The following PTPRQ variants were observed in gnomAD, a reference collection of about 807,000 sequenced individuals.
The protein encoded by PTPRQ is phosphatidylinositol phosphatase PTPRQ.
A neutral mutation model predicts 246.0 loss-of-function variants in PTPRQ; 199 were observed. That is an observed-to-expected ratio of 0.81 (90% confidence interval 0.72 to 0.91). PTPRQ has a LOEUF of 0.91. Among genes scored for constraint, PTPRQ ranks in the 40% least tolerant of loss-of-function variants. The probability of loss-of-function intolerance (pLI) is 0.00; values close to 1 mark genes in which losing one functional copy is unlikely to be tolerated. For missense variants in PTPRQ, 2,624 were observed against 2,528.4 expected, an observed-to-expected ratio of 1.04 and a Z score of -0.81; for synonymous variants, 869 against 853.2, an observed-to-expected ratio of 1.02 and a Z score of -0.32.
intron 4 of PTPRQ, 21 bp from the exon 5 acceptor site, chr12:80,459,263 C>T (rs908996121): frequency 5.0e-6 from 2 of 398,234 alleles, no homozygotes; most frequent in African/African-American, 4.1e-5. Flanking sequence ...TTTTTTCCTT[C>T]CCAATCTTTC....
At chr12:80,585,052 C>A (rs1382481333) in intron 25 of PTPRQ, among the ~76,000 whole-genome samples, 1 of 150,340 alleles carries the variant, frequency 6.7e-6, no homozygotes, top group Admixed American at 6.7e-5. Context: ...AGATGAAATC[C>A]AAAATTTTAA....
At chr12:80,493,512 A>C in intron 10 of PTPRQ, 57 bp downstream of exon 10, 1 of 1,479,530 alleles carries the variant, frequency 6.8e-7, no homozygotes, top group East Asian at 2.5e-5. Flanking sequence ...GCTAGCTAGC[A>C]CAGAAATGAA....
intron 27 of PTPRQ, among the ~76,000 whole-genome samples, chr12:80,605,903 G>C (rs1898300496): frequency 6.6e-6 from 1 of 151,000 alleles, no homozygotes; most frequent in Non-Finnish European, 1.5e-5. Context: ...GTAGAGGATA[G>C]ATTGAGAGCA....
chr12:80,630,519 A>G (rs1438616579), intron 33 of PTPRQ, among the ~76,000 whole-genome samples: 1 of 152,196 alleles, frequency 6.6e-6, no homozygotes, highest in South Asian at 2.1e-4. Context: ...AAAATTGATC[A>G]GTAGGCTTGG....
At chr12:80,561,932 T>C (rs1014298208) in intron 25 of PTPRQ, among the ~76,000 whole-genome samples, 42 of 152,154 alleles carry the variant, frequency 2.8e-4, no homozygotes, top group African/African-American at 9.4e-4. Flanking sequence ...CTTTATCGAG[T>C]TGAGGAAATT....
intron 25 of PTPRQ, among the ~76,000 whole-genome samples, chr12:80,587,671 A>T (rs1897664313): frequency 6.6e-6 from 1 of 152,210 alleles, no homozygotes; most frequent in African/African-American, 2.4e-5. Context: ...GTTTATTTAA[A>T]ATTGTTTTAT....
chr12:80,593,473 G>A (rs1897869280), intron 26 of PTPRQ, among the ~76,000 whole-genome samples: 1 of 152,070 alleles, frequency 6.6e-6, no homozygotes. Context: ...CTGTAAAACA[G>A]AATAAATAAG....
rs1366030892 is a variant in PTPRQ, at chr12:80,467,113, C to A, written c.911-1597C>A. ...AAATTTTCACAACCTACTCATCTGA[C>A]AAAGGGCTAATATCCAGAATCTACA... On this transcript the variant is annotated intron_variant, in intron 6 of 44. Transcript: ENST00000644991. Among the ~76,000 whole-genome samples, 16 of 152,290 alleles carry A rather than the reference C, an allele frequency of 1.1e-4. No individual in the cohort carries two copies. The East Asian group carries it at 3.1e-3, about 29-fold the overall frequency.
intron 19 of PTPRQ, among the ~76,000 whole-genome samples, chr12:80,535,533 T>C (rs1264428706): frequency 1.3e-5 from 2 of 152,196 alleles, no homozygotes; most frequent in Admixed American, 6.5e-5. Context: ...TAGTAGTTAA[T>C]GTTTAATGTC....
At chr12:80,448,945 G>A (rs1222366541) in intron 3 of PTPRQ, among the ~76,000 whole-genome samples, 6 of 148,896 alleles carry the variant, frequency 4.0e-5, no homozygotes, top group African/African-American at 1.2e-4. Flanking sequence ...CTGAGGAATC[G>A]CCACACTGAC....
rs913080392 is a variant in PTPRQ, at chr12:80,669,350, T to C, written c.6339T>C (p.His2113=). The change falls in exon 41 of 45, where the codon CAT becomes CAC. Residue 2113 remains histidine, a synonymous_variant. Transcript: ENST00000644991. Reference sequence around the variant, plus strand: ...TTCTCTGAATGCAGATCAGATGCCATCAGTATTGGCCAGAGGACAACAAGC... The same window carrying C: ...TTCTCTGAATGCAGATCAGATGCCACCAGTATTGGCCAGAGGACAACAAGC... The part of the protein sequence containing the change: ...QCFEKGRIRC[H]QYWPEDNKPV... The C allele has an allele frequency of 3.2e-6, 5 of 1,549,312 alleles. No homozygotes were observed. The highest frequency in any genetic ancestry group is 3.9e-5 in the Admixed American group (2 of 50,754).
intron 6 of PTPRQ, among the ~76,000 whole-genome samples, chr12:80,466,882 T>C (rs1184381352): frequency 2.6e-5 from 4 of 152,218 alleles, no homozygotes; most frequent in South Asian, 2.1e-4. Context: ...ACTTAAATGT[T>C]AGACCTAAAA....
At chr12:80,609,946 C>T (rs1462847955) in intron 27 of PTPRQ, among the ~76,000 whole-genome samples, 1 of 150,490 alleles carries the variant, frequency 6.6e-6, no homozygotes, top group African/African-American at 2.4e-5. Context: ...TATGTGCCAA[C>T]TACTTTAGAT....
intron 26 of PTPRQ, among the ~76,000 whole-genome samples, chr12:80,600,932 T>A (rs1256849308): frequency 6.6e-6 from 1 of 151,842 alleles, no homozygotes; most frequent in Non-Finnish European, 1.5e-5. Context: ...AGCTTCACTG[T>A]GGTCCTTGTT....
intron 30 of PTPRQ, among the ~76,000 whole-genome samples, chr12:80,617,673 C>T (rs1368594218): frequency 2.0e-5 from 3 of 151,376 alleles, no homozygotes; most frequent in African/African-American, 4.8e-5. Context: ...GGCAGACTTA[C>T]GACTTCTAGT....
intron 25 of PTPRQ, among the ~76,000 whole-genome samples, chr12:80,579,729 A>T (rs1897377175): frequency 6.6e-6 from 1 of 152,054 alleles, no homozygotes; most frequent in African/African-American, 2.4e-5. Context: ...TTTTGTATTG[A>T]TCCATACTAT....
At chr12:80,529,122 A>G (rs1224730660) in intron 17 of PTPRQ, among the ~76,000 whole-genome samples, 2 of 152,184 alleles carry the variant, frequency 1.3e-5, no homozygotes, top group Non-Finnish European at 1.5e-5. Flanking sequence ...TAGCCTACTG[A>G]TGCTAGCAAG....
chr12:80,640,302 A>C (rs1422063175), intron 35 of PTPRQ, among the ~76,000 whole-genome samples: 2 of 152,176 alleles, frequency 1.3e-5, no homozygotes, highest in Non-Finnish European at 2.9e-5. Flanking sequence ...TTTGGCTTCA[A>C]TAATAACTCA....
chr12:80,539,709 A>G (rs1299075496), intron 19 of PTPRQ, 67 bp from the exon 20 acceptor site: 1 of 1,276,764 alleles, frequency 7.8e-7, no homozygotes, highest in African/African-American at 1.6e-5. Context: ...ATTGATAACA[A>G]TTAGTTTGAA....
Sources: gnomAD v4.1 joint callset for allele counts (sites outside exome capture counted in the v4.1 genomes callset) on GRCh38, gnomAD v4.1.1 for gene constraint, MANE v1.5 for transcripts, NCBI Gene and HGNC (gene_info 2026-07-23, HGNC 2026-07-21) for gene names.